The following ENOX1 variants were observed in gnomAD, a reference collection of about 807,000 sequenced individuals.
ENOX1 encodes ecto-NOX disulfide-thiol exchanger 1.
ENOX1 carries 42 observed loss-of-function variants against 82.5 expected under a neutral mutation model. The observed-to-expected ratio is 0.51, with a 90% CI of 0.40 to 0.66. The LOEUF (loss-of-function observed/expected upper bound fraction) is 0.66. Among genes scored for constraint, ENOX1 ranks in the 30% least tolerant of loss-of-function variants. The pLI is 0.00. For missense variants in ENOX1, 608 were observed against 811.6 expected (o/e 0.75, Z 3.05); for synonymous variants, 271 against 282.2 (o/e 0.96, Z 0.40).
chr13:43,515,581 T>A (rs575493372), intron 2 of ENOX1, among the ~76,000 whole-genome samples: 2 of 152,158 alleles, frequency 1.3e-5, no homozygotes, highest in Non-Finnish European at 2.9e-5. Flanking sequence ...ACAATACTCA[T>A]GTTATAGATA....
chr13:43,291,738 G>T (rs759911916), intron 12 of ENOX1, among the ~76,000 whole-genome samples: 1 of 152,192 alleles, frequency 6.6e-6, no homozygotes, highest in Non-Finnish European at 1.5e-5. Flanking sequence ...TCCTGTTCAA[G>T]ATGTCAGAGG....
intron 5 of ENOX1, among the ~76,000 whole-genome samples, chr13:43,406,693 C>T (rs1402291417): frequency 6.6e-6 from 1 of 151,922 alleles, no homozygotes; most frequent in African/African-American, 2.4e-5. Flanking sequence ...TGGGGTTTCA[C>T]CGTGTTAGCC....
At chr13:43,704,321 A>T (rs2087103928) in intron 1 of ENOX1, among the ~76,000 whole-genome samples, 1 of 152,172 alleles carries the variant, frequency 6.6e-6, no homozygotes, top group Non-Finnish European at 1.5e-5. Flanking sequence ...CCCTCAGAGA[A>T]GTTCTGACTT....
chr13:43,293,027 C>T (rs747721826), intron 12 of ENOX1, among the ~76,000 whole-genome samples: 42 of 151,936 alleles, frequency 2.8e-4, no homozygotes, highest in Non-Finnish European at 4.4e-4. Context: ...GTCACCATCC[C>T]CACCACAGCC....
rs1171963663 is a variant in ENOX1, at chr13:43,393,054, A to T, written c.208+18862T>A. 2.0e-5 allele frequency among the ~76,000 whole-genome samples: 3 copies of T among 152,172 alleles called. No individual in the cohort carries two copies. In the East Asian group the frequency reaches 5.8e-4, roughly 29 times the overall value. On this transcript the variant is annotated intron_variant, in intron 5 of 16. Coordinates refer to ENST00000690772, the MANE Select transcript of ENOX1 (RefSeq NM_001347969.2). ...GCATAGCTCTGTGGGCATTTCTGAT[A>T]TTTTACGTTAGTCATTAGAAATAAT...
At chr13:43,759,097 C>CTTTTTTTT (rs3044251) in intron 1 of ENOX1, among the ~76,000 whole-genome samples, 1 of 122,448 alleles carries the variant, frequency 8.2e-6, no homozygotes, top group African/African-American at 3.1e-5. Flanking sequence ...TGATAAGTTT[C>CTTTTTTTT]TTTTTTTTTT....
chr13:43,334,348 A>G (rs964917487), intron 9 of ENOX1, among the ~76,000 whole-genome samples: 6 of 152,230 alleles, frequency 3.9e-5, no homozygotes, highest in African/African-American at 1.4e-4. Flanking sequence ...CAAATCATGT[A>G]TTTATACCCA....
intron 9 of ENOX1, among the ~76,000 whole-genome samples, chr13:43,338,748 C>G (rs1000911422): frequency 7.0e-6 from 1 of 142,316 alleles, no homozygotes; most frequent in Non-Finnish European, 1.5e-5. Flanking sequence ...TGCAGTGGCG[C>G]CATCTCGGCT....
chr13:43,641,551 T>TTTTTTC (rs2083653598), intron 2 of ENOX1, among the ~76,000 whole-genome samples: 1 of 143,294 alleles, frequency 7.0e-6, no homozygotes. Flanking sequence ...TTTTTTTTTT[T>TTTTTTC]TTGAGACAGA....
In ENOX1 at chr13:43,660,781, A is replaced by G. The variant is rs372275264; in HGVS notation, c.-219+6698T>C. Among the ~76,000 whole-genome samples, 33 of 152,334 alleles carry G rather than the reference A, an allele frequency of 2.2e-4. No individual in the cohort carries two copies. The South Asian group carries it at 6.8e-3, about 32-fold the overall frequency. On this transcript the variant is annotated intron_variant, in intron 2 of 16. Coordinates refer to ENST00000690772, the MANE Select transcript of ENOX1 (RefSeq NM_001347969.2). ...AGGACCTTAAACTCCATTTTGAAAA[A>G]TAAGTGTTACAGACATTTCTTCTGC...
intron 2 of ENOX1, among the ~76,000 whole-genome samples, chr13:43,666,480 T>C (rs547563099): frequency 9.2e-5 from 14 of 152,030 alleles, no homozygotes; most frequent in Non-Finnish European, 2.1e-4. Flanking sequence ...CAGACACACA[T>C]GTAGGGAAGA....
At chr13:43,580,708 T>C (rs995556373) in intron 2 of ENOX1, among the ~76,000 whole-genome samples, 1 of 152,240 alleles carries the variant, frequency 6.6e-6, no homozygotes, top group African/African-American at 2.4e-5. Flanking sequence ...TTGCACGCAA[T>C]TATTGGTAAG....
chr13:43,296,755 T>C (rs2046306551), intron 12 of ENOX1, among the ~76,000 whole-genome samples: 1 of 152,176 alleles, frequency 6.6e-6, no homozygotes, highest in Non-Finnish European at 1.5e-5. Flanking sequence ...TGACTTCTTT[T>C]AGGTTTGAAT....
At chr13:43,280,081 T>C (rs2045291009) in intron 12 of ENOX1, among the ~76,000 whole-genome samples, 1 of 152,238 alleles carries the variant, frequency 6.6e-6, no homozygotes, top group Non-Finnish European at 1.5e-5. Context: ...GAGGTGGTCA[T>C]CACCCATCCT....
At chr13:43,720,979 C>T (rs955270368) in intron 1 of ENOX1, among the ~76,000 whole-genome samples, 8 of 152,164 alleles carry the variant, frequency 5.3e-5, no homozygotes, top group Non-Finnish European at 1.2e-4. Context: ...CAACCACTTG[C>T]TGGAAATAAT....
intron 5 of ENOX1, among the ~76,000 whole-genome samples, chr13:43,407,087 GAAATT>G (rs2053845349): frequency 6.6e-6 from 1 of 152,170 alleles, no homozygotes; most frequent in South Asian, 2.1e-4. Context: ...CTTTGGAAAA[GAAATT>G]AAGTTATACA....
intron 3 of ENOX1, among the ~76,000 whole-genome samples, chr13:43,456,140 A>C (rs1430413540): frequency 6.6e-6 from 1 of 152,054 alleles, no homozygotes; most frequent in Non-Finnish European, 1.5e-5. Context: ...TAGATATAAC[A>C]GTATCTCTCA....
Position 43,334,183 on chromosome 13 carries a change from C to A in ENOX1, c.1037-7658G>T, listed in dbSNP as rs2048570960. Among the ~76,000 whole-genome samples, 8 of 152,156 alleles carry A rather than the reference C, an allele frequency of 5.3e-5. 1 individual carries two copies. The highest frequency in any genetic ancestry group is 3.9e-4 in the Admixed American group (6 of 15,274). On this transcript the variant is annotated intron_variant, in intron 9 of 16. Coordinates refer to ENST00000690772, the MANE Select transcript of ENOX1 (RefSeq NM_001347969.2). The stretch of plus-strand genomic sequence containing the variant: ...GTTTGAGAACCTCTGATTATCTTAC[C>A]TAAGTTTTGCAACGACTGTCTGAGG...
At chr13:43,216,155 A>C (rs1368943204) in intron 16 of ENOX1, among the ~76,000 whole-genome samples, 1 of 152,076 alleles carries the variant, frequency 6.6e-6, no homozygotes, top group Non-Finnish European at 1.5e-5. Flanking sequence ...CCGAGATGGC[A>C]CCACCGCACT....
Sources: gnomAD v4.1 joint callset for allele counts (sites outside exome capture counted in the v4.1 genomes callset) on GRCh38, gnomAD v4.1.1 for gene constraint, MANE v1.5 for transcripts, NCBI Gene and HGNC (gene_info 2026-07-23, HGNC 2026-07-21) for gene names.